The following NPTN variants were observed in gnomAD, a reference collection of about 807,000 sequenced individuals.
NPTN encodes neuroplastin, also known as SDR-1.
NPTN carries 5 observed loss-of-function variants against 42.7 expected under a neutral mutation model. The observed-to-expected ratio is 0.12, with a 90% confidence interval of 0.06 to 0.25. The LOEUF is 0.25. NPTN is among the 10% of genes least tolerant of loss of function. The probability of loss-of-function intolerance (pLI) is 1.00; values close to 1 mark genes in which losing one functional copy is unlikely to be tolerated. For synonymous variants in NPTN, 180 were observed against 201.9 expected (o/e 0.89, Z 0.92); for missense variants, 307 against 525.4 (o/e 0.58, Z 4.06).
chr15:73,591,747 G>C (rs961100110), intron 3 of NPTN: 2 of 406,144 alleles, frequency 4.9e-6, no homozygotes, highest in African/African-American at 4.0e-5. Context: ...ATTATAGTGA[G>C]GGGATCATCT....
At chr15:73,611,336 C>G (rs1595954509) in intron 1 of NPTN, among the ~76,000 whole-genome samples, 1 of 152,134 alleles carries the variant, frequency 6.6e-6, no homozygotes, top group East Asian at 1.9e-4. Flanking sequence ...AACAGACTAT[C>G]AAGAACATTT....
chr15:73,578,898 C>T (rs903151096), intron 4 of NPTN, among the ~76,000 whole-genome samples: 47 of 148,522 alleles, frequency 3.2e-4, no homozygotes, highest in African/African-American at 1.1e-3. Context: ...GAGGCTGAGG[C>T]GAGAGAATCG....
chr15:73,633,221 C>G lies in NPTN; in HGVS notation c.-6G>C. The G allele has an allele frequency of 6.6e-7, 1 of 1,524,540 alleles. No homozygotes were observed. The highest frequency in any genetic ancestry group is 8.8e-7 in the Non-Finnish European group (1 of 1,140,922). The allele number at this position is 1,524,540 out of a possible 1,614,324, so 94.4% of individuals were successfully genotyped here. A position where few individuals can be genotyped will look rare whatever the true frequency, so the allele number is the denominator to read the frequency against. On this transcript the variant is annotated 5_prime_UTR_variant, in exon 1 of 9. Transcript: ENST00000345330. ...GGCAGCGACGAACCCGACATCCTCC[C>G]TAGCAGAAGACCCAACAGCGAATGG...
intron 4 of NPTN, among the ~76,000 whole-genome samples, chr15:73,579,152 G>A (rs1170264562): frequency 6.6e-6 from 1 of 151,686 alleles, no homozygotes; most frequent in Admixed American, 6.6e-5. Flanking sequence ...GGTGGCGGGA[G>A]CCTGTTGTCC....
At chr15:73,583,678 A>C (rs1016360179) in intron 4 of NPTN, among the ~76,000 whole-genome samples, 1 of 152,218 alleles carries the variant, frequency 6.6e-6, no homozygotes, top group Non-Finnish European at 1.5e-5. Flanking sequence ...ATGCCTTCAA[A>C]GACTTCTCAA....
At chr15:73,598,636 A>G (rs1476309201) in intron 1 of NPTN, among the ~76,000 whole-genome samples, 1 of 152,202 alleles carries the variant, frequency 6.6e-6, no homozygotes, top group Non-Finnish European at 1.5e-5. Context: ...GAGAGACACT[A>G]AAAGAGGGCA....
At chr15:73,576,536 C>T (rs1411150093) in intron 4 of NPTN, among the ~76,000 whole-genome samples, 3 of 152,146 alleles carry the variant, frequency 2.0e-5, no homozygotes, top group Non-Finnish European at 2.9e-5. Context: ...ACCATGTTGG[C>T]CAGGCTGGTC....
chr15:73,600,862 T>C (rs1285944888), intron 1 of NPTN, among the ~76,000 whole-genome samples: 1 of 151,920 alleles, frequency 6.6e-6, no homozygotes, highest in Non-Finnish European at 1.5e-5. Context: ...GGGTGAACAG[T>C]GTGAAAAGAT....
At position 73,571,721 on chromosome 15, in the gene NPTN, CAT is replaced by C. The variant is rs373374860; in HGVS notation, c.841-1300_841-1299del. Among the ~76,000 whole-genome samples, 77 of 152,276 alleles carry C rather than the reference CAT, an allele frequency of 5.1e-4. 2 individuals carry two copies. In the East Asian group the frequency reaches 7.1e-3, roughly 14 times the overall value. On this transcript the variant is annotated intron_variant, in intron 5 of 8. Coordinates refer to ENST00000345330, the MANE Select transcript of NPTN (RefSeq NM_012428.4). Reference sequence around the variant, plus strand: ...GATCCCGGCAGGGAAAAAACAGACTCATGTGTCTTTACCCTGCAACAACTAAA... The same window carrying C: ...GATCCCGGCAGGGAAAAAACAGACTCGTGTCTTTACCCTGCAACAACTAAA...
rs1896543161 is a variant in NPTN at position 73,590,629 on chromosome 15, C to G, written c.611+1337G>C. On this transcript the variant is annotated intron_variant, in intron 3 of 8. Coordinates refer to ENST00000345330, the MANE Select transcript of NPTN (RefSeq NM_012428.4). ...ATACAAAAAAAAAAAAAAAAAATTA[C>G]CCGGGTGTGGTGGTGTGCACCTGTG... 2.0e-5 allele frequency among the ~76,000 whole-genome samples: 3 copies of G among 150,082 alleles called. No homozygotes were observed. In the South Asian group the frequency reaches 6.3e-4, roughly 32 times the overall value.
chr15:73,611,702 A>G (rs973769730), intron 1 of NPTN, among the ~76,000 whole-genome samples: 2 of 152,192 alleles, frequency 1.3e-5, no homozygotes, highest in Non-Finnish European at 2.9e-5. Flanking sequence ...CAAAACTCAT[A>G]GTATGCACAA....
chr15:73,623,774 C>G (rs1898254361), intron 1 of NPTN, among the ~76,000 whole-genome samples: 1 of 152,164 alleles, frequency 6.6e-6, no homozygotes, highest in African/African-American at 2.4e-5. Context: ...TCTCATTGAG[C>G]TTCTAAACAA....
intron 4 of NPTN, among the ~76,000 whole-genome samples, chr15:73,575,296 T>C (rs1473950871): frequency 6.6e-6 from 1 of 151,748 alleles, no homozygotes; most frequent in Non-Finnish European, 1.5e-5. Context: ...TTTGTATTTT[T>C]AGGAGAGATG....
chr15:73,627,075 A>G (rs999633149), intron 1 of NPTN, among the ~76,000 whole-genome samples: 19 of 152,198 alleles, frequency 1.2e-4, no homozygotes, highest in African/African-American at 4.6e-4. Context: ...TTTCTACTAA[A>G]AATCCAAAAA....
intron 1 of NPTN, among the ~76,000 whole-genome samples, chr15:73,623,738 A>G (rs1314308140): frequency 6.6e-6 from 1 of 152,164 alleles, no homozygotes; most frequent in African/African-American, 2.4e-5. Context: ...AGTCCATTTC[A>G]TTTCATATTC....
intron 1 of NPTN, among the ~76,000 whole-genome samples, chr15:73,622,702 G>C (rs747729102): frequency 3.6e-4 from 55 of 152,258 alleles, no homozygotes; most frequent in Admixed American, 2.0e-4. Flanking sequence ...AATGCAACAT[G>C]ATTTTGTCCA....
chr15:73,587,657 G>T, intron 3 of NPTN, 39 bp from the exon 4 acceptor site: 2 of 1,418,524 alleles, frequency 1.4e-6, no homozygotes, highest in Non-Finnish European at 2.0e-6. Flanking sequence ...AGGAAACTGG[G>T]AACGGTCAAA....
chr15:73,584,919 C>G (rs1052118038), intron 4 of NPTN, among the ~76,000 whole-genome samples: 8 of 152,078 alleles, frequency 5.3e-5, no homozygotes, highest in Non-Finnish European at 1.2e-4. Flanking sequence ...GGCTCTGTTC[C>G]CAGGCCACTG....
intron 1 of NPTN, among the ~76,000 whole-genome samples, chr15:73,611,327 A>C (rs1307631417): frequency 3.9e-5 from 6 of 152,208 alleles, no homozygotes; most frequent in Admixed American, 3.9e-4. Context: ...CAATCTCGAA[A>C]CAGACTATCA....
Sources: gnomAD v4.1 joint callset for allele counts (sites outside exome capture counted in the v4.1 genomes callset) on GRCh38, gnomAD v4.1.1 for gene constraint, MANE v1.5 for transcripts, NCBI Gene and HGNC (gene_info 2026-07-23, HGNC 2026-07-21) for gene names.